The following TXNDC16 variants were observed in gnomAD, a reference collection of about 807,000 sequenced individuals.
TXNDC16 encodes the protein thioredoxin domain-containing protein 16.
TXNDC16 carries 74 observed loss-of-function variants against 85.6 expected under a neutral mutation model. The ratio of observed to expected loss-of-function variants is 0.86; its 90% CI spans 0.72 to 1.05. TXNDC16 has a LOEUF of 1.05. TXNDC16 is among the 50% of genes least tolerant of loss of function. The probability of loss-of-function intolerance (pLI) is 0.00; values close to 1 mark genes in which losing one functional copy is unlikely to be tolerated. For missense variants in TXNDC16, 959 were observed against 947.0 expected (o/e 1.01, Z -0.17); for synonymous variants, 335 against 326.5 (o/e 1.03, Z -0.28).
At chr14:52,493,216 T>TATATATATATATATACACACACACACAC in intron 9 of TXNDC16, among the ~76,000 whole-genome samples, 1 of 115,942 alleles carries the variant, frequency 8.6e-6, no homozygotes, top group African/African-American at 3.5e-5. Context: ...TATATATATA[T>TATATATATATATATACACACACACACAC]ACACACACAC....
At chr14:52,474,927 G>A (rs1031782397) in intron 14 of TXNDC16, among the ~76,000 whole-genome samples, 9 of 152,120 alleles carry the variant, frequency 5.9e-5, no homozygotes, top group African/African-American at 1.9e-4. Context: ...AGAACCCACA[G>A]ACCCTCTGAA....
At chr14:52,547,734 T>G (rs1482995500) in intron 1 of TXNDC16, among the ~76,000 whole-genome samples, 1 of 152,196 alleles carries the variant, frequency 6.6e-6, no homozygotes, top group Non-Finnish European at 1.5e-5. Flanking sequence ...GACAGATAAC[T>G]TCTATCTAGA....
rs755040020 is a variant in TXNDC16, at chr14:52,543,492, C to T, written c.66G>A (p.Met22Ile). The change falls in exon 3 of 21, where the codon ATG (methionine) becomes ATA (isoleucine). Residue 22 changes from methionine (M) to isoleucine (I), a missense_variant. Coordinates refer to ENST00000281741, the MANE Select transcript of TXNDC16 (RefSeq NM_020784.3). ...ISFVIMCIFY[M>I]PTVNSLPELS... ...GTTCTGGTAAAGAGTTTACTGTTGGCATGTAAAAAATGCACATTATGACAA... is the reference window on the plus strand; with the variant it reads ...GTTCTGGTAAAGAGTTTACTGTTGGTATGTAAAAAATGCACATTATGACAA... The T allele has an allele frequency of 6.2e-7, 1 of 1,613,394 alleles. No homozygotes were observed. Among genetic ancestry groups the T allele is most frequent in the Admixed American group, 1.7e-5 (1 of 59,960 alleles).
intron 18 of TXNDC16, among the ~76,000 whole-genome samples, chr14:52,442,488 T>C (rs932670739): frequency 6.6e-6 from 1 of 152,192 alleles, no homozygotes; most frequent in Admixed American, 6.5e-5. Flanking sequence ...AATATAGTCC[T>C]AGTTCATCCT....
In TXNDC16 at chr14:52,467,209, G is replaced by GA. The variant is rs201371054; in HGVS notation, c.1618+2827dup. 1.9e-4 allele frequency among the ~76,000 whole-genome samples: 29 copies of GA among 151,388 alleles called. No individual in the cohort carries two copies. In the East Asian group the frequency reaches 4.1e-3, roughly 21 times the overall value. ...AAAAAAGGATAAACGTTAACTATTA[G>GA]AAAAAAAATTAAGTTGGCACCAACA... On this transcript the variant is annotated intron_variant, in intron 16 of 20. Coordinates refer to ENST00000281741, the MANE Select transcript of TXNDC16 (RefSeq NM_020784.3).
chr14:52,499,335 G>T (rs1323652086), intron 9 of TXNDC16, among the ~76,000 whole-genome samples: 1 of 152,102 alleles, frequency 6.6e-6, no homozygotes, highest in South Asian at 2.1e-4. Flanking sequence ...ACTTCTAATA[G>T]AGTAAAAAGA....
chr14:52,525,150 C>A (rs2037298220), intron 6 of TXNDC16, among the ~76,000 whole-genome samples: 1 of 151,888 alleles, frequency 6.6e-6, no homozygotes, highest in Non-Finnish European at 1.5e-5. Context: ...GCAACTGCTG[C>A]CTCATGGCAA....
At chr14:52,536,530 T>C (rs2037704243) in intron 6 of TXNDC16, among the ~76,000 whole-genome samples, 189 bp downstream of exon 6, 1 of 152,218 alleles carries the variant, frequency 6.6e-6, no homozygotes. Context: ...TCCATGCTTC[T>C]GTATCCTTTG....
intron 9 of TXNDC16, among the ~76,000 whole-genome samples, chr14:52,493,216 T>TATATATAC: frequency 1.7e-5 from 2 of 115,942 alleles, no homozygotes; most frequent in African/African-American, 7.1e-5. Context: ...TATATATATA[T>TATATATAC]ACACACACAC....
intron 12 of TXNDC16, among the ~76,000 whole-genome samples, chr14:52,487,444 T>A (rs1047162951): frequency 4.6e-5 from 7 of 152,228 alleles, no homozygotes; most frequent in Non-Finnish European, 1.0e-4. Flanking sequence ...ATTTACTATA[T>A]ATGTTATACA....
intron 14 of TXNDC16, among the ~76,000 whole-genome samples, chr14:52,473,079 A>G (rs1594707939): frequency 6.6e-6 from 1 of 152,220 alleles, no homozygotes; most frequent in East Asian, 1.9e-4. Context: ...GAAGCAATCT[A>G]TGAGCCCTAT....
rs1253297286 is a variant in TXNDC16 at position 52,492,486 on chromosome 14, A to G, written c.757-1481T>C. Among the ~76,000 whole-genome samples, 3 of 152,190 alleles carry G rather than the reference A, an allele frequency of 2.0e-5. No individual in the cohort carries two copies. In the East Asian group the frequency reaches 5.8e-4, roughly 29 times the overall value. On this transcript the variant is annotated intron_variant, in intron 9 of 20. Transcript: ENST00000281741. ...CTACCTTCCACCATAGATGTCTCCC[A>G]GACAAGACTCAACCACACTTCTTGA...
At chr14:52,521,050 A>G (rs1234379794) in intron 6 of TXNDC16, among the ~76,000 whole-genome samples, 1 of 152,040 alleles carries the variant, frequency 6.6e-6, no homozygotes, top group Non-Finnish European at 1.5e-5. Context: ...TAACATAAAT[A>G]CTTTTTATTT....
intron 18 of TXNDC16, among the ~76,000 whole-genome samples, chr14:52,446,946 T>C (rs901204375): frequency 6.7e-6 from 1 of 149,456 alleles, no homozygotes; most frequent in African/African-American, 2.5e-5. Context: ...CTCCGAGACT[T>C]GCTGACTTCA....
chr14:52,521,013 CTT>C (rs1232308940), intron 6 of TXNDC16, among the ~76,000 whole-genome samples: 1 of 151,778 alleles, frequency 6.6e-6, no homozygotes, highest in East Asian at 1.9e-4. Context: ...TTTATTAACT[CTT>C]TTAAAAATAA....
At position 52,488,404 on chromosome 14, in the gene TXNDC16, A is replaced by G. The variant is rs200268049; in HGVS notation, c.1067T>C (p.Ile356Thr). Residue 356 changes from isoleucine to threonine, a missense_variant, in exon 12 of 21, where the codon ATA becomes ACA. Physicochemically the swap from Ile to Thr is moderately conservative, Grantham distance 89. Transcript: ENST00000281741. ...HVENNMHIEE[I>T]QEDEDNDMEG... ...CATGTCATTGTCTTCATCTTCTTGTATTTCCTCAATGTGCATATTATTTTC... is the reference window on the plus strand; with the variant it reads ...CATGTCATTGTCTTCATCTTCTTGTGTTTCCTCAATGTGCATATTATTTTC... 6.2e-7 allele frequency: 1 copy of G among 1,613,680 alleles called. No individual in the cohort carries two copies. Among genetic ancestry groups the G allele is most frequent in the African/African-American group, 1.3e-5 (1 of 75,034 alleles).
At chr14:52,551,881 T>A (rs1306037149) in intron 1 of TXNDC16, among the ~76,000 whole-genome samples, 3 of 152,218 alleles carry the variant, frequency 2.0e-5, no homozygotes, top group African/African-American at 7.2e-5. Context: ...CTTACAAGTC[T>A]GTTTCTGCCT....
intron 9 of TXNDC16, among the ~76,000 whole-genome samples, chr14:52,506,527 CTTTTTTTTTTT>C (rs765293725): frequency 2.1e-5 from 2 of 97,540 alleles, no homozygotes; most frequent in South Asian, 4.1e-4. Context: ...TTCAACAACC[CTTTTTTTTTTT>C]TTTTTTTTTT....
chr14:52,496,418 CTT>C (rs200696407), intron 9 of TXNDC16, among the ~76,000 whole-genome samples: 82 of 130,152 alleles, frequency 6.3e-4, no homozygotes, highest in Admixed American at 7.6e-4. Flanking sequence ...TCCAACTCGT[CTT>C]TTTTTTTTTT....
Sources: gnomAD v4.1 joint callset for allele counts (sites outside exome capture counted in the v4.1 genomes callset) on GRCh38, gnomAD v4.1.1 for gene constraint, MANE v1.5 for transcripts, NCBI Gene and HGNC (gene_info 2026-07-23, HGNC 2026-07-21) for gene names.